The following RGS7 variants were observed in gnomAD, a reference collection of about 807,000 sequenced individuals.
RGS7 encodes the protein regulator of G protein signaling 7.
In RGS7, 27 loss-of-function variants were observed where a neutral mutation model predicts 81.1. The observed-to-expected ratio is 0.33, with a 90% CI of 0.25 to 0.46. RGS7 has a LOEUF of 0.46. Among genes scored for constraint, RGS7 ranks in the 20% least tolerant of loss-of-function variants. The pLI is 1.00. For missense variants in RGS7, 396 were observed against 607.4 expected (o/e 0.65, Z 3.66); for synonymous variants, 208 against 207.7 (o/e 1.00, Z -0.01).
In RGS7 at chr1:241,356,115, C is replaced by T. The variant is rs901932470; in HGVS notation, c.-50-289G>A. 8.5e-5 allele frequency among the ~76,000 whole-genome samples: 13 copies of T among 152,226 alleles called. 1 individual carries two copies. In the Middle Eastern group the frequency reaches 0.01, roughly 119 times the overall value. On this transcript the variant is annotated intron_variant, in intron 1 of 18. Transcript: ENST00000440928. ...AAGTGTTTGATGCTCACCCTAAAAACTCGTGGGTAGCATTTTCCTAGTACA... is the reference window on the plus strand; with the variant it reads ...AAGTGTTTGATGCTCACCCTAAAAATTCGTGGGTAGCATTTTCCTAGTACA...
intron 2 of RGS7, among the ~76,000 whole-genome samples, chr1:241,336,470 ATAT>A (rs1198053508): frequency 2.6e-5 from 4 of 152,316 alleles, no homozygotes; most frequent in South Asian, 2.1e-4. Flanking sequence ...CCAGACAGAA[ATAT>A]TATTGCTTCT....
intron 2 of RGS7, among the ~76,000 whole-genome samples, chr1:241,270,174 C>T (rs373316675): frequency 6.6e-6 from 1 of 152,172 alleles, no homozygotes; most frequent in Non-Finnish European, 1.5e-5. Context: ...TCAATGCTGG[C>T]CCCTGCATCC....
intron 9 of RGS7, among the ~76,000 whole-genome samples, chr1:240,849,886 G>A (rs980560443): frequency 1.3e-5 from 2 of 152,116 alleles, no homozygotes; most frequent in Non-Finnish European, 2.9e-5. Context: ...AAGAATGGTC[G>A]AACACACCAA....
intron 2 of RGS7, among the ~76,000 whole-genome samples, chr1:241,323,156 TAA>T (rs954851892): frequency 1.4e-4 from 22 of 152,270 alleles, no homozygotes; most frequent in Non-Finnish European, 2.1e-4. Flanking sequence ...CCCTTAAAAA[TAA>T]GAGAGAAAAC....
intron 3 of RGS7, among the ~76,000 whole-genome samples, chr1:241,084,362 G>C (rs560715286): frequency 6.6e-6 from 1 of 152,246 alleles, no homozygotes; most frequent in East Asian, 1.9e-4. Context: ...TGGTCACACT[G>C]TTAGAGGACC....
intron 3 of RGS7, among the ~76,000 whole-genome samples, chr1:241,033,372 C>T (rs893904732): frequency 3.3e-5 from 5 of 151,606 alleles, no homozygotes; most frequent in African/African-American, 4.9e-5. Context: ...GCTGGGGGAG[C>T]GGGGGAGGAA....
intron 4 of RGS7, among the ~76,000 whole-genome samples, chr1:240,957,086 A>G (rs572598704): frequency 2.0e-5 from 3 of 152,268 alleles, no homozygotes; most frequent in Admixed American, 6.5e-5. Flanking sequence ...GGAGATTAAC[A>G]TTTGAGGCAG....
At chr1:240,874,346 A>C (rs1239903017) in intron 6 of RGS7, among the ~76,000 whole-genome samples, 1 of 151,892 alleles carries the variant, frequency 6.6e-6, no homozygotes, top group Non-Finnish European at 1.5e-5. Context: ...CCCCTCCCCA[A>C]CTCCCTTTTG....
chr1:241,058,084 T>C (rs2061561681), intron 3 of RGS7, among the ~76,000 whole-genome samples: 1 of 152,074 alleles, frequency 6.6e-6, no homozygotes, highest in South Asian at 2.1e-4. Flanking sequence ...AAAGGCAGGT[T>C]CCATATAGAT....
At chr1:240,843,153 G>A (rs1403484871) in intron 9 of RGS7, among the ~76,000 whole-genome samples, 3 of 149,344 alleles carry the variant, frequency 2.0e-5, no homozygotes, top group African/African-American at 7.4e-5. Flanking sequence ...GCACAAGAGC[G>A]AAACTCTATC....
chr1:241,354,256 A>C (rs1336491605), intron 2 of RGS7, among the ~76,000 whole-genome samples: 2 of 152,182 alleles, frequency 1.3e-5, no homozygotes, highest in African/African-American at 2.4e-5. Context: ...TCTTCTCAAA[A>C]CCAACTCTAA....
At chr1:240,840,059 C>T (rs1178344571) in intron 9 of RGS7, among the ~76,000 whole-genome samples, 1 of 152,140 alleles carries the variant, frequency 6.6e-6, no homozygotes, top group Non-Finnish European at 1.5e-5. Flanking sequence ...CATGATCTCC[C>T]ATCTGGACTA....
intron 3 of RGS7, among the ~76,000 whole-genome samples, chr1:241,056,482 T>G (rs2061486345): frequency 6.6e-6 from 1 of 152,238 alleles, no homozygotes; most frequent in South Asian, 2.1e-4. Flanking sequence ...CACATTTCTC[T>G]GGTTTACTAC....
intron 2 of RGS7, among the ~76,000 whole-genome samples, chr1:241,103,066 A>G (rs2064876820): frequency 6.6e-6 from 1 of 151,994 alleles, no homozygotes. Context: ...AGGGATAGTA[A>G]AAAGCAACTC....
intron 2 of RGS7, among the ~76,000 whole-genome samples, chr1:241,310,373 G>C (rs1351882537): frequency 6.6e-6 from 1 of 151,756 alleles, no homozygotes; most frequent in East Asian, 1.9e-4. Context: ...GAGTGTGTGT[G>C]TGTGTATGAG....
intron 3 of RGS7, among the ~76,000 whole-genome samples, chr1:241,091,024 C>T (rs1167351139): frequency 6.6e-6 from 1 of 152,132 alleles, no homozygotes; most frequent in East Asian, 1.9e-4. Context: ...TGGGATTTTG[C>T]CTCAAACCCA....
intron 2 of RGS7, among the ~76,000 whole-genome samples, chr1:241,219,691 T>C (rs1356669088): frequency 1.3e-5 from 2 of 152,180 alleles, no homozygotes; most frequent in Admixed American, 1.3e-4. Context: ...TTTGTATGTT[T>C]GCAGAGAAAC....
intron 3 of RGS7, among the ~76,000 whole-genome samples, chr1:241,008,628 T>A (rs957050026): frequency 6.6e-6 from 1 of 151,946 alleles, no homozygotes; most frequent in Non-Finnish European, 1.5e-5. Context: ...CTTAATGGAA[T>A]GTGGCCGTGT....
chr1:241,209,292 A>C (rs1403074959), intron 2 of RGS7, among the ~76,000 whole-genome samples: 1 of 152,192 alleles, frequency 6.6e-6, no homozygotes, highest in Non-Finnish European at 1.5e-5. Context: ...TATTGAATAA[A>C]GGGATCTGAT....
Sources: gnomAD v4.1 joint callset for allele counts (sites outside exome capture counted in the v4.1 genomes callset) on GRCh38, gnomAD v4.1.1 for gene constraint, MANE v1.5 for transcripts, NCBI Gene and HGNC (gene_info 2026-07-23, HGNC 2026-07-21) for gene names.